The following ARFGEF3 variants were observed in gnomAD, a reference collection of about 807,000 sequenced individuals.
ARFGEF3 encodes brefeldin A-inhibited guanine nucleotide-exchange protein 3.
A neutral mutation model predicts 221.7 loss-of-function variants in ARFGEF3; 96 were observed. The observed-to-expected ratio is 0.43, with a 90% confidence interval of 0.37 to 0.51. The LOEUF is 0.51. Ranked by LOEUF, ARFGEF3 falls within the 20% of genes least tolerant of loss-of-function variation. ARFGEF3 has a pLI of 0.00. For missense variants in ARFGEF3, 2,410 were observed against 2,789.9 expected, an observed-to-expected ratio of 0.86 and a Z score of 3.07; for synonymous variants, 1,145 against 1,126.8, an observed-to-expected ratio of 1.02 and a Z score of -0.32.
In ARFGEF3 at chr6:138,291,755, C is replaced by G. The variant is rs778750837; in HGVS notation, c.3070C>G (p.Leu1024Val). The change falls in exon 19 of 34, where the codon CTG (leucine) becomes GTG (valine). Residue 1024 changes from leucine (L) to valine (V), a missense_variant. This residue lies in a region of ARFGEF3 where 594 missense variants were observed against 734.3 expected (regional missense o/e 0.81). Transcript: ENST00000251691. The surrounding 1 kb of genome is among the most constrained non-coding windows in gnomAD (Gnocchi z 4.5). ...VFRVCEYVGT[L>V]EHNHFSDGAS... ...TAGGGTGTGTGAATACGTGGGCACC[C>G]TGGAGCACAACCACTTCAGCGATGG... The G allele has an allele frequency of 2.1e-6, 3 of 1,434,304 alleles. No individual in the cohort carries two copies. Among genetic ancestry groups the G allele is most frequent in the Non-Finnish European group, 2.8e-6 (3 of 1,090,578 alleles). The allele number at this position is 1,434,304 out of a possible 1,614,324, so 88.8% of individuals were successfully genotyped here.
intron 2 of ARFGEF3, among the ~76,000 whole-genome samples, chr6:138,190,952 A>C (rs80214559): frequency 0.023 from 3,497 of 152,176 alleles, 146 homozygotes; most frequent in African/African-American, 0.077. Flanking sequence ...TATAATCCTT[A>C]TATTTGAGTC....
rs759933104 is a variant in ARFGEF3 at position 138,291,886 on chromosome 6, G to A, written c.3201G>A (p.Pro1067=). ...ECEGSPPEHS[P]EQGRSLSTAP... Reference sequence around the variant, plus strand: ...AGGGCTCGCCCCCCGAGCACAGCCCGGAGCAGGGGCGCTCCCTGAGCACGG... The same window carrying A: ...AGGGCTCGCCCCCCGAGCACAGCCCAGAGCAGGGGCGCTCCCTGAGCACGG... The change falls in exon 19 of 34, where the codon CCG becomes CCA. Residue 1067 remains proline, a synonymous_variant. Coordinates refer to ENST00000251691, the MANE Select transcript of ARFGEF3 (RefSeq NM_020340.5). The surrounding 1 kb of genome is among the most constrained non-coding windows in gnomAD (Gnocchi z 4.5). 2.1e-5 allele frequency: 31 copies of A among 1,494,132 alleles called. No homozygotes were observed. The South Asian group carries it at 2.9e-4, about 14-fold the overall frequency. The allele number at this position is 1,494,132 out of a possible 1,614,324, so 92.6% of individuals were successfully genotyped here.
At position 138,199,910 on chromosome 6, in the gene ARFGEF3, ATG is replaced by A. The variant is rs1306818402; in HGVS notation, c.138-7130_138-7129del. Among the ~76,000 whole-genome samples, 4 of 152,280 alleles carry A rather than the reference ATG, an allele frequency of 2.6e-5. No individual in the cohort carries two copies. The East Asian group carries it at 7.7e-4, about 29-fold the overall frequency. ...AGCTCTGGCTAGGATTTCCAGTACT[ATG>A]TTGAAGAGGAGTGGTGAGAGTGGGC... On this transcript the variant is annotated intron_variant, in intron 2 of 33. Coordinates refer to ENST00000251691, the MANE Select transcript of ARFGEF3 (RefSeq NM_020340.5).
intron 2 of ARFGEF3, among the ~76,000 whole-genome samples, chr6:138,179,385 C>A (rs142195973): frequency 6.6e-6 from 1 of 152,198 alleles, no homozygotes; most frequent in African/African-American, 2.4e-5. Context: ...CTTACCTGCT[C>A]CATGATTTTT....
chr6:138,193,047 A>T (rs1777339625), intron 2 of ARFGEF3, among the ~76,000 whole-genome samples: 1 of 152,122 alleles, frequency 6.6e-6, no homozygotes, highest in South Asian at 2.1e-4. Flanking sequence ...CAACTGGCTA[A>T]AGGTTAGTTT....
Position 138,162,217 on chromosome 6 carries a change from C to A in ARFGEF3, c.85+46C>A. The A allele has an allele frequency of 6.8e-7, 1 of 1,468,952 alleles. No homozygotes were observed. Among genetic ancestry groups the A allele is most frequent in the Non-Finnish European group, 9.3e-7 (1 of 1,072,462 alleles). 91.0% of individuals were successfully genotyped at this position (1,468,952 alleles called of 1,614,324 possible). A position where few individuals can be genotyped will look rare whatever the true frequency, so the allele number is the denominator to read the frequency against. On this transcript the variant is annotated intron_variant, in intron 1 of 33. Coordinates refer to ENST00000251691, the MANE Select transcript of ARFGEF3 (RefSeq NM_020340.5). The surrounding 1 kb of genome is among the most constrained non-coding windows in gnomAD (Gnocchi z 4.7). ...CGCCGCGGCGGGAGGGCCGCGCGGC[C>A]GGGGCTGAACCCGCGCCTCCGCGCG...
At chr6:138,203,946 A>C (rs572856535) in intron 2 of ARFGEF3, among the ~76,000 whole-genome samples, 2 of 151,984 alleles carry the variant, frequency 1.3e-5, no homozygotes, top group African/African-American at 2.4e-5. Flanking sequence ...CGGCCAATGC[A>C]TTTATTTTCT....
intron 26 of ARFGEF3, 63 bp downstream of exon 26, chr6:138,314,002 T>A: frequency 6.5e-7 from 1 of 1,541,370 alleles, no homozygotes; most frequent in Non-Finnish European, 8.9e-7. Context: ...GAAGCTTAAG[T>A]CATAAATGAA....
Position 138,170,704 on chromosome 6 carries a change from A to G in ARFGEF3, c.128A>G (p.His43Arg), listed in dbSNP as rs1290427638. Residue 43 changes from histidine to arginine, a missense_variant, in exon 2 of 34, where the codon CAT (histidine) becomes CGT (arginine). Coordinates refer to ENST00000251691, the MANE Select transcript of ARFGEF3 (RefSeq NM_020340.5). Reference sequence around the variant, plus strand: ...GATACCATTGTCAAGATCCCTCCACATGTACTGAGGTAGGAGATGGACATT... The same window carrying G: ...GATACCATTGTCAAGATCCCTCCACGTGTACTGAGGTAGGAGATGGACATT... The part of the protein sequence containing the change: ...GLDTIVKIPP[H>R]VLREKCLLPL... The G allele has an allele frequency of 6.3e-7, 1 of 1,579,242 alleles. No homozygotes were observed. The highest frequency in any genetic ancestry group is 8.7e-7 in the Non-Finnish European group (1 of 1,148,610).
intron 13 of ARFGEF3, 94 bp from the exon 14 acceptor site, chr6:138,279,905 G>A (rs1779165960): frequency 7.9e-7 from 1 of 1,261,276 alleles, no homozygotes; most frequent in African/African-American, 1.5e-5. Context: ...GTTTAGTTCA[G>A]GGCTCTGTGA....
chr6:138,228,932 G>A (rs1778141897), intron 4 of ARFGEF3, among the ~76,000 whole-genome samples: 1 of 152,244 alleles, frequency 6.6e-6, no homozygotes, highest in Admixed American at 6.5e-5. Context: ...TAAGTGAAGA[G>A]GGAGAGAGTA....
At chr6:138,322,689 GGA>G (rs1458033623) in intron 29 of ARFGEF3, among the ~76,000 whole-genome samples, 1 of 151,738 alleles carries the variant, frequency 6.6e-6, no homozygotes, top group Non-Finnish European at 1.5e-5. Context: ...CAGCTACTCA[GGA>G]GGCTGAGGCA....
chr6:138,198,876 G>T (rs1030442803), intron 2 of ARFGEF3, among the ~76,000 whole-genome samples: 1 of 152,224 alleles, frequency 6.6e-6, no homozygotes, highest in Non-Finnish European at 1.5e-5. Flanking sequence ...TGTGCCCTAC[G>T]CATAGTTGGT....
intron 1 of ARFGEF3, among the ~76,000 whole-genome samples, chr6:138,165,694 G>C (rs995203785): frequency 6.6e-6 from 1 of 151,982 alleles, no homozygotes; most frequent in African/African-American, 2.4e-5. Flanking sequence ...CCTCAGGAGA[G>C]AGAGGGTCAC....
chr6:138,194,291 G>C lies in ARFGEF3; in HGVS notation c.138-12751G>C, dbSNP rs113328366. Among the ~76,000 whole-genome samples, 9 of 150,828 alleles carry C rather than the reference G, an allele frequency of 6.0e-5. No individual in the cohort carries two copies. In the South Asian group the frequency reaches 1.9e-3, roughly 32 times the overall value. ...TCCAAAAAAAAAAAAAAAAAAGATA[G>C]TGATGGTATTTTCCCACTACTTTTC... On this transcript the variant is annotated intron_variant, in intron 2 of 33. Transcript: ENST00000251691.
chr6:138,237,173 C>G (rs1358586155), intron 5 of ARFGEF3, among the ~76,000 whole-genome samples: 1 of 152,104 alleles, frequency 6.6e-6, no homozygotes, highest in African/African-American at 2.4e-5. Flanking sequence ...GCAGAAAATT[C>G]TCCAGCTTAA....
chr6:138,278,757 T>C (rs1007054088), intron 13 of ARFGEF3, 140 bp downstream of exon 13: 23 of 819,540 alleles, frequency 2.8e-5, no homozygotes, highest in African/African-American at 5.2e-5. Context: ...CAGTGGGACT[T>C]TGGGGGATGG....
intron 19 of ARFGEF3, among the ~76,000 whole-genome samples, chr6:138,292,282 C>T (rs943683291): frequency 6.6e-6 from 1 of 152,226 alleles, no homozygotes; most frequent in Non-Finnish European, 1.5e-5. Context: ...AAGCGCTGCG[C>T]TTACTCTGGG....
intron 29 of ARFGEF3, among the ~76,000 whole-genome samples, chr6:138,323,281 A>C (rs1780066596): frequency 6.6e-6 from 1 of 152,184 alleles, no homozygotes; most frequent in Admixed American, 6.5e-5. Flanking sequence ...GCATGAGCCC[A>C]TATGGCCTAA....
Sources: gnomAD v4.1 joint callset for allele counts (sites outside exome capture counted in the v4.1 genomes callset) on GRCh38, gnomAD v4.1.1 for gene constraint, gnomAD v4.1.1 regional missense constraint, Gnocchi (gnomAD v3.1) non-coding constraint, MANE v1.5 for transcripts, NCBI Gene and HGNC (gene_info 2026-07-23, HGNC 2026-07-21) for gene names.